KAZN: variants seen among roughly 807,000 people sequenced by gnomAD.
KAZN encodes kazrin, periplakin interacting protein.
A neutral mutation model predicts 87.4 loss-of-function variants in KAZN; 40 were observed. That is an observed-to-expected ratio of 0.46 (90% CI 0.36 to 0.60). The LOEUF is 0.60. KAZN is among the 20% of genes least tolerant of loss of function. The pLI, the probability that KAZN is intolerant of heterozygous loss-of-function variation, is 0.00. For missense variants in KAZN, 898 were observed against 1,073.9 expected (o/e 0.84, Z 2.29); for synonymous variants, 466 against 458.3 (o/e 1.02, Z -0.22).
intron 1 of KAZN, among the ~76,000 whole-genome samples, chr1:13,938,021 G>T (rs1640804217): frequency 6.6e-6 from 1 of 152,062 alleles, no homozygotes; most frequent in African/African-American, 2.4e-5. Context: ...CTCTTTTTTG[G>T]TTCCATGTGA....
chr1:15,108,672 C>T (rs1176660648), intron 13 of KAZN, among the ~76,000 whole-genome samples: 2 of 152,182 alleles, frequency 1.3e-5, no homozygotes, highest in Admixed American at 6.5e-5. Flanking sequence ...ACTCAATGCT[C>T]GGGCTGGCCC....
chr1:14,904,770 T>G (rs1656319755), intron 1 of KAZN, among the ~76,000 whole-genome samples: 1 of 152,222 alleles, frequency 6.6e-6, no homozygotes, highest in Admixed American at 6.5e-5. Context: ...GTTTTTGTTT[T>G]TGTTTTTTTG....
At chr1:14,759,147 G>C (rs566702064) in intron 1 of KAZN, among the ~76,000 whole-genome samples, 3 of 152,176 alleles carry the variant, frequency 2.0e-5, no homozygotes, top group East Asian at 1.9e-4. Flanking sequence ...AAAAATCCGT[G>C]GGGGAGGGGC....
chr1:14,770,738 G>T (rs78499652), intron 1 of KAZN, among the ~76,000 whole-genome samples: 2,046 of 152,244 alleles, frequency 0.013, 34 homozygotes, highest in African/African-American at 0.046. Context: ...AGTGGTCAAA[G>T]TTAGGAAATT....
chr1:14,473,169 G>T (rs9429234), intron 2 of KAZN, among the ~76,000 whole-genome samples: 2 of 151,958 alleles, frequency 1.3e-5, no homozygotes, highest in Non-Finnish European at 2.9e-5. Flanking sequence ...TTTAAAAAGG[G>T]CTGCAAAATA....
At position 14,103,052 on chromosome 1, in the gene KAZN, G is replaced by A. The variant is rs146618586; in HGVS notation, c.92-77383G>A. Among the ~76,000 whole-genome samples the A allele has an allele frequency of 2.7e-3, 405 of 152,164 alleles. 10 individuals carry two copies. The South Asian group carries it at 0.066, about 25-fold the overall frequency. ...ATGCCTCAGCCTCCCAAGCAGATGAGGTTATAGGTGTGCACCACCACACCT... is the reference window on the plus strand; with the variant it reads ...ATGCCTCAGCCTCCCAAGCAGATGAAGTTATAGGTGTGCACCACCACACCT... On this transcript the variant is annotated intron_variant, in intron 1 of 16. Coordinates refer to the KAZN transcript ENST00000636203.
At chr1:13,967,503 T>C (rs989291208) in intron 1 of KAZN, among the ~76,000 whole-genome samples, 1 of 151,998 alleles carries the variant, frequency 6.6e-6, no homozygotes, top group Non-Finnish European at 1.5e-5. Context: ...TGGGGGGAAA[T>C]ACAGAGGCCT....
At chr1:14,415,962 G>A (rs955936151) in intron 2 of KAZN, among the ~76,000 whole-genome samples, 4 of 152,180 alleles carry the variant, frequency 2.6e-5, no homozygotes, top group African/African-American at 9.7e-5. Flanking sequence ...ACAAACTCCA[G>A]GGGCTGTAGT....
At chr1:14,712,275 T>A (rs4661300) in intron 1 of KAZN, among the ~76,000 whole-genome samples, 1 of 151,892 alleles carries the variant, frequency 6.6e-6, no homozygotes, top group Non-Finnish European at 1.5e-5. Flanking sequence ...GGCTGTGAGA[T>A]TCATCTGTGC....
chr1:14,270,774 C>A (rs796738751), intron 2 of KAZN, among the ~76,000 whole-genome samples: 4 of 152,272 alleles, frequency 2.6e-5, no homozygotes, highest in African/African-American at 9.6e-5. Flanking sequence ...CTCTCAATAA[C>A]CCTCTTTTTT....
chr1:14,587,602 G>T lies in KAZN; in HGVS notation c.250-11381G>T, dbSNP rs180803363. Among the ~76,000 whole-genome samples the T allele has an allele frequency of 3.6e-4, 54 of 151,984 alleles. 2 individuals carry two copies. The highest frequency in any genetic ancestry group is 3.1e-3 in the Admixed American group (48 of 15,264). On this transcript the variant is annotated intron_variant, in intron 2 of 16. Transcript: ENST00000636203. ...ATATGGCCAGAGCAGGAGTGAGAGT[G>T]GGGGGCGGGTGAGGAAGAGAGAAAG...
chr1:14,717,956 AAGG>A (rs1462985769), intron 1 of KAZN, among the ~76,000 whole-genome samples: 3 of 152,170 alleles, frequency 2.0e-5, no homozygotes, highest in African/African-American at 7.2e-5. Context: ...TTCAGAATAC[AAGG>A]AGAACAGAAC....
chr1:14,258,745 T>C (rs958973116), intron 2 of KAZN, among the ~76,000 whole-genome samples: 2 of 152,212 alleles, frequency 1.3e-5, no homozygotes, highest in African/African-American at 4.8e-5. Context: ...GCCTGCTACC[T>C]GTCTGTCAAG....
chr1:13,916,658 C>T (rs1267162129), intron 1 of KAZN, among the ~76,000 whole-genome samples: 1 of 152,118 alleles, frequency 6.6e-6, no homozygotes, highest in Non-Finnish European at 1.5e-5. Context: ...GAAGGGGTGG[C>T]AGAGCTGTAA....
At chr1:15,113,410 C>T (rs1396969746) in intron 14 of KAZN, 1 of 152,048 alleles carries the variant, frequency 6.6e-6, no homozygotes, top group African/African-American at 2.4e-5. Context: ...TAGGAAAAAA[C>T]TGTCTAAAAA....
At chr1:14,104,541 G>GA (rs769001916) in intron 1 of KAZN, among the ~76,000 whole-genome samples, 1 of 152,212 alleles carries the variant, frequency 6.6e-6, no homozygotes, top group Admixed American at 6.5e-5. Flanking sequence ...TTCCAAGGTA[G>GA]AAAACCTCAG....
At chr1:14,065,388 C>G (rs546775844) in intron 1 of KAZN, among the ~76,000 whole-genome samples, 16 of 152,248 alleles carry the variant, frequency 1.1e-4, no homozygotes, top group African/African-American at 3.9e-4. Flanking sequence ...AGAACAAACA[C>G]TGTGTTAGGG....
intron 2 of KAZN, among the ~76,000 whole-genome samples, chr1:14,383,649 G>C (rs1264114138): frequency 6.6e-6 from 1 of 151,950 alleles, no homozygotes; most frequent in Non-Finnish European, 1.5e-5. Flanking sequence ...TATTTCTGAG[G>C]GCTCTGTTCT....
chr1:13,950,735 C>A (rs1369769540), intron 1 of KAZN, among the ~76,000 whole-genome samples: 1 of 152,194 alleles, frequency 6.6e-6, no homozygotes, highest in Non-Finnish European at 1.5e-5. Context: ...ATACCCCAAC[C>A]TCATCAGCCA....
Sources: allele counts gnomAD v4.1 joint callset (sites outside exome capture counted in the v4.1 genomes callset), GRCh38; gene constraint gnomAD v4.1.1; transcripts MANE v1.5; gene names NCBI Gene and HGNC (gene_info 2026-07-23, HGNC 2026-07-21).